KDM5C: variants seen among roughly 807,000 people sequenced by gnomAD.
The protein encoded by KDM5C is lysine demethylase 5C, also known as lysine-specific demethylase 5C.
KDM5C carries 16 observed loss-of-function variants against 110.6 expected under a neutral mutation model. The observed-to-expected ratio is 0.14, with a 90% CI of 0.10 to 0.22. The LOEUF (loss-of-function observed/expected upper bound fraction) is 0.22, where lower values mean the gene tolerates loss of function less well. Ranked by LOEUF, KDM5C falls within the 10% of genes least tolerant of loss-of-function variation. The pLI is 1.00. For missense variants in KDM5C, 681 were observed against 1,300.9 expected, an observed-to-expected ratio of 0.52 and a Z score of 7.33; for synonymous variants, 511 against 520.4, an observed-to-expected ratio of 0.98 and a Z score of 0.24.
chrX:53,214,571 C>T, intron 8 of KDM5C, 118 bp downstream of exon 8: 2 of 835,169 alleles, frequency 2.4e-6, no homozygotes, highest in Non-Finnish European at 1.7e-6. Flanking sequence ...CAGCCTAATC[C>T]CACCACAGAG....
At chrX:53,188,439 G>A (rs1251847130), downstream of KDM5C, among the ~76,000 whole-genome samples, 5 of 108,221 alleles carry the variant, frequency 4.6e-5, no homozygotes, top group African/African-American at 6.8e-5. Flanking sequence ...GCAATGGCGC[G>A]ATCTTGGCTC....
intron 8 of KDM5C, 34 bp from the exon 9 acceptor site, chrX:53,211,940 G>C (rs1569274894): frequency 1.7e-6 from 2 of 1,205,978 alleles, no homozygotes; most frequent in Admixed American, 2.2e-5. Context: ...CACCAAAACA[G>C]AGGCAAAGAG....
intron 1 of KDM5C, among the ~76,000 whole-genome samples, chrX:53,222,008 G>A (rs781965603): frequency 1.8e-5 from 2 of 111,452 alleles, no homozygotes; most frequent in Non-Finnish European, 3.8e-5. Context: ...TCAACCTAAA[G>A]TAACCTAAAC....
Position 53,224,891 on chromosome X carries a change from G to A in KDM5C, c.-2C>T. 8.3e-7 allele frequency: 1 copy of A among 1,204,803 alleles called. No homozygotes were observed. Among genetic ancestry groups the A allele is most frequent in the South Asian group, 1.8e-5 (1 of 56,069 alleles). On this transcript the variant is annotated 5_prime_UTR_variant, in exon 1 of 26. Transcript: ENST00000375401. Reference sequence around the variant, plus strand: ...GAAATCGTCGGACCCCGGCTCCATGGTGGGCCCGAGGTCTGGGCCAGGGAT... The same window carrying A: ...GAAATCGTCGGACCCCGGCTCCATGATGGGCCCGAGGTCTGGGCCAGGGAT...
chrX:53,204,398 C>T (rs945292470), intron 12 of KDM5C, among the ~76,000 whole-genome samples: 1 of 110,802 alleles, frequency 9.0e-6, no homozygotes, highest in South Asian at 3.8e-4. Context: ...ACCTAGGAGA[C>T]CTTAAACCAG....
At chrX:53,197,994 A>C in intron 17 of KDM5C, 118 bp from the exon 18 acceptor site, 1 of 571,669 alleles carries the variant, frequency 1.7e-6, no homozygotes. Context: ...GCATATTTCA[A>C]ATTTGCCCCA....
intron 12 of KDM5C, among the ~76,000 whole-genome samples, chrX:53,207,474 T>C: frequency 9.0e-6 from 1 of 111,588 alleles, no homozygotes; most frequent in Non-Finnish European, 1.9e-5. Flanking sequence ...GACAGTGCAG[T>C]TCTAGACCAA....
intron 25 of KDM5C, among the ~76,000 whole-genome samples, chrX:53,179,336 AC>A (rs1340352376): frequency 5.4e-5 from 6 of 112,038 alleles, no homozygotes; most frequent in Non-Finnish European, 7.5e-5. Flanking sequence ...CAAAAAAAAA[AC>A]AAGACACTGT....
chrX:53,199,977 C>T (rs782187504), intron 14 of KDM5C, among the ~76,000 whole-genome samples: 30 of 111,430 alleles, frequency 2.7e-4, no homozygotes, highest in Admixed American at 9.6e-4. Context: ...AATCATTTAA[C>T]GTCTCTGGGT....
chrX:53,210,051 G>C (rs1556847939), intron 12 of KDM5C, among the ~76,000 whole-genome samples: 1 of 112,026 alleles, frequency 8.9e-6, no homozygotes, highest in East Asian at 2.8e-4. Flanking sequence ...AGCTAGATGT[G>C]GTCATATGAC....
chrX:53,224,952 C>T lies in KDM5C; in HGVS notation c.-63G>A, dbSNP rs1402461458. 5.3e-6 allele frequency: 6 copies of T among 1,121,844 alleles called. No individual in the cohort carries two copies. Among genetic ancestry groups the T allele is most frequent in the Non-Finnish European group, 5.9e-6 (5 of 844,676 alleles). 92.5% of individuals were successfully genotyped at this position (1,121,844 alleles called of 1,213,427 possible). On this transcript the variant is annotated 5_prime_UTR_variant, in exon 1 of 26. Coordinates refer to ENST00000375401, the MANE Select transcript of KDM5C (RefSeq NM_004187.5). ...GGACCGCCCTTAAGGACTCATGGCGCCGCCGCTGTTTGAAGCCGAGGCAAT... is the reference window on the plus strand; with the variant it reads ...GGACCGCCCTTAAGGACTCATGGCGTCGCCGCTGTTTGAAGCCGAGGCAAT...
At position 53,210,861 on chromosome X, in the gene KDM5C, C is replaced by T. The variant is rs1556848452; in HGVS notation, c.1402-4G>A. On this transcript the variant is annotated splice_polypyrimidine_tract_variant and splice_region_variant and intron_variant, in intron 10 of 25. Coordinates refer to ENST00000375401, the MANE Select transcript of KDM5C (RefSeq NM_004187.5). Reference sequence around the variant, plus strand: ...TCCAACCACTGGTAGCATACTCCTGCCAGGTCAGGTATTTGTAAAAAGGGC... The same window carrying T: ...TCCAACCACTGGTAGCATACTCCTGTCAGGTCAGGTATTTGTAAAAAGGGC... 1 of 1,205,730 alleles carries T rather than the reference C, an allele frequency of 8.3e-7. No individual in the cohort carries two copies. Among genetic ancestry groups the T allele is most frequent in the Admixed American group, 2.2e-5 (1 of 46,013 alleles).
intron 12 of KDM5C, among the ~76,000 whole-genome samples, chrX:53,209,492 C>G (rs1485957895): frequency 1.8e-5 from 2 of 111,925 alleles, no homozygotes; most frequent in African/African-American, 6.5e-5. Context: ...GTCCAAAGCC[C>G]TACTGTACAG....
chrX:53,221,204 A>T (rs782310489), intron 1 of KDM5C, among the ~76,000 whole-genome samples: 1 of 109,761 alleles, frequency 9.1e-6, no homozygotes, highest in African/African-American at 3.3e-5. Flanking sequence ...AGAAATTAAG[A>T]GATGGAGCCT....
intron 10 of KDM5C, among the ~76,000 whole-genome samples, chrX:53,211,233 CTCATT>C (rs2073548022): frequency 8.9e-6 from 1 of 111,895 alleles, no homozygotes; most frequent in Non-Finnish European, 1.9e-5. Context: ...CATATACCTT[CTCATT>C]TAATTTTTAT....
chrX:53,187,280 C>T (rs1934247442), downstream of KDM5C, among the ~76,000 whole-genome samples: 1 of 111,369 alleles, frequency 9.0e-6, no homozygotes, highest in African/African-American at 3.3e-5. Context: ...GAAAAAAAGC[C>T]ACTGGACCCC....
intron 3 of KDM5C, 147 bp from the exon 4 acceptor site, chrX:53,218,113 G>T: frequency 1.1e-6 from 1 of 886,052 alleles, no homozygotes; most frequent in Non-Finnish European, 1.6e-6. Flanking sequence ...ACCTCAAATT[G>T]CAGCAAAAGA....
downstream of KDM5C, among the ~76,000 whole-genome samples, chrX:53,191,129 T>C (rs1425367350): frequency 8.9e-6 from 1 of 111,871 alleles, no homozygotes; most frequent in African/African-American, 3.3e-5. Context: ...CTGGTTAGTC[T>C]TCTTGTCAGA....
chrX:53,223,834 G>A (rs1414395203), intron 1 of KDM5C, among the ~76,000 whole-genome samples: 1 of 111,782 alleles, frequency 8.9e-6, no homozygotes, highest in Non-Finnish European at 1.9e-5. Context: ...CCAGAGGAGA[G>A]TAGAAATCTT....
Sources: allele counts gnomAD v4.1 joint callset (sites outside exome capture counted in the v4.1 genomes callset), GRCh38; gene constraint gnomAD v4.1.1; transcripts MANE v1.5; gene names NCBI Gene and HGNC (gene_info 2026-07-23, HGNC 2026-07-21).